ALDH2: variants seen among roughly 807,000 people sequenced by gnomAD.
ALDH2 encodes the protein aldehyde dehydrogenase, mitochondrial.
In ALDH2, 44 loss-of-function variants were observed where a neutral mutation model predicts 59.6. The observed-to-expected ratio is 0.74, with a 90% confidence interval of 0.58 to 0.95. The LOEUF (loss-of-function observed/expected upper bound fraction) is 0.95. Ranked by LOEUF, ALDH2 falls within the 40% of genes least tolerant of loss-of-function variation. The pLI is 0.00. For synonymous variants in ALDH2, 291 were observed against 284.0 expected (o/e 1.02, Z -0.25); for missense variants, 570 against 696.3 (o/e 0.82, Z 2.04).
chr12:111,797,663 G>A (rs1051995945), intron 9 of ALDH2, among the ~76,000 whole-genome samples: 13 of 151,900 alleles, frequency 8.6e-5, no homozygotes, highest in African/African-American at 3.1e-4. Flanking sequence ...ATTTCTCTTT[G>A]TGCATATGTA....
intron 12 of ALDH2, among the ~76,000 whole-genome samples, chr12:111,807,776 A>C (rs1355105776): frequency 2.0e-5 from 3 of 152,110 alleles, no homozygotes; most frequent in African/African-American, 7.2e-5. Context: ...GCCAGAATGC[A>C]CAGGCCCTTG....
intron 1 of ALDH2, among the ~76,000 whole-genome samples, chr12:111,777,504 T>C (rs1318735721): frequency 2.0e-5 from 3 of 152,138 alleles, no homozygotes; most frequent in Non-Finnish European, 4.4e-5. Flanking sequence ...TGCTTTGCTG[T>C]GAGGCAGTTG....
In ALDH2 at chr12:111,792,645, G is replaced by C; in HGVS notation, c.946G>C (p.Gly316Arg). The C allele has an allele frequency of 6.2e-7, 1 of 1,612,940 alleles. No homozygotes were observed. Among genetic ancestry groups the C allele is most frequent in the Non-Finnish European group, 8.5e-7 (1 of 1,179,734 alleles). Residue 316 changes from glycine (G) to arginine (R), a missense_variant, in exon 9 of 13, where the codon GGC (glycine) becomes CGC (arginine). Transcript: ENST00000261733. ...QAHFALFFNQGQCCCAGSRTF... is the reference protein window; with the variant it reads ...QAHFALFFNQRQCCCAGSRTF... ...CCACTTCGCCCTGTTCTTCAACCAG[G>C]GCCAGTGCTGCTGTGCCGGCTCCCG...
chr12:111,790,592 A>G (rs1157058624), intron 6 of ALDH2, 30 bp downstream of exon 6: 1 of 1,613,994 alleles, frequency 6.2e-7, no homozygotes, highest in Non-Finnish European at 8.5e-7. Flanking sequence ...CTTAACCTCT[A>G]AATGCCCTTG....
rs552607188 is a variant in ALDH2 at position 111,781,020 on chromosome 12, G to A, written c.115-898G>A. On this transcript the variant is annotated intron_variant, in intron 1 of 12. Coordinates refer to ENST00000261733, the MANE Select transcript of ALDH2 (RefSeq NM_000690.4). ...GCTACTCAGGAGGCTAAGGCAGGAG[G>A]ATCACTTGAGCTTAAGAGGAAGAGG... Among the ~76,000 whole-genome samples the A allele has an allele frequency of 2.6e-5, 4 of 152,070 alleles. No homozygotes were observed. In the East Asian group the frequency reaches 7.7e-4, roughly 29 times the overall value.
intron 4 of ALDH2, 122 bp from the exon 5 acceptor site, chr12:111,789,701 C>A: frequency 1.2e-6 from 1 of 845,004 alleles, no homozygotes; most frequent in Non-Finnish European, 1.9e-6. Context: ...CTGAATAAGC[C>A]AAAAGCAAAG....
In ALDH2 at chr12:111,792,596, A is replaced by G. The variant is rs758880637; in HGVS notation, c.899-2A>G. 2 of 1,610,280 alleles carry G rather than the reference A, an allele frequency of 1.2e-6. 1 individual carries two copies. The highest frequency in any genetic ancestry group is 2.2e-5 in the South Asian group (2 of 90,918). On this transcript the variant is annotated splice_acceptor_variant, in intron 8 of 12. Coordinates refer to ENST00000261733, the MANE Select transcript of ALDH2 (RefSeq NM_000690.4). LOFTEE classifies it high-confidence loss of function. Reference sequence around the variant, plus strand: ...TTTCTGTCTCCTGCCCACTTCCCGCAGTGGATTGGGCCGTGGAACAGGCCC... The same window carrying G: ...TTTCTGTCTCCTGCCCACTTCCCGCGGTGGATTGGGCCGTGGAACAGGCCC...
chr12:111,816,952 T>G lies in ALDH2; in HGVS notation c.*7377T>G, dbSNP rs2068573143. 1 of 152,204 alleles carries G rather than the reference T, an allele frequency of 6.6e-6. No homozygotes were observed. The allele number at this position is 152,204 out of a possible 1,614,324, so 9.4% of individuals were successfully genotyped here. On this transcript the variant is annotated 3_prime_UTR_variant, in exon 13 of 13. Coordinates refer to ENST00000261733, the MANE Select transcript of ALDH2 (RefSeq NM_000690.4). ...TTCACAAGGTCCCATGGATACTCAC[T>G]TTGGTTATATTCTAAGTTGGTTACA...
At position 111,785,278 on chromosome 12, in the gene ALDH2, C is replaced by T. The variant is rs1593075531; in HGVS notation, c.372C>T (p.Thr124=). 2.5e-6 allele frequency: 4 copies of T among 1,613,948 alleles called. No homozygotes were observed. Among genetic ancestry groups the T allele is most frequent in the East Asian group, 4.5e-5 (2 of 44,882 alleles). The part of the protein sequence containing the change: ...RDRTYLAALE[T]LDNGKPYVIS... The stretch of plus-strand genomic sequence containing the variant: ...TGTTTTCTTCTCAGGCCTTGGAGAC[C>T]CTGGACAATGGCAAGCCCTATGTCA... The change falls in exon 4 of 13, where the codon ACC becomes ACT. Residue 124 remains threonine, a synonymous_variant. Transcript: ENST00000261733.
At chr12:111,806,488 C>T (rs951008801) in intron 12 of ALDH2, among the ~76,000 whole-genome samples, 3 of 152,148 alleles carry the variant, frequency 2.0e-5, no homozygotes, top group African/African-American at 7.2e-5. Context: ...AGAGGAGGCT[C>T]AGGGCAAGCC....
chr12:111,798,269 A>G, intron 10 of ALDH2, 27 bp downstream of exon 10: 1 of 1,523,012 alleles, frequency 6.6e-7, no homozygotes, highest in Non-Finnish European at 8.8e-7. Flanking sequence ...AGTGCTCTGG[A>G]AACATTCTTG....
chr12:111,808,455 A>G (rs577637684), intron 12 of ALDH2, among the ~76,000 whole-genome samples: 16 of 152,302 alleles, frequency 1.1e-4, no homozygotes, highest in African/African-American at 3.8e-4. Flanking sequence ...CTGTAATCCC[A>G]GCACTTTGGG....
rs980476192 is a variant in ALDH2 at position 111,815,118 on chromosome 12, C to T, written c.*5543C>T. The T allele has an allele frequency of 6.6e-6, 1 of 152,186 alleles. No homozygotes were observed. The highest frequency in any genetic ancestry group is 1.5e-5 in the Non-Finnish European group (1 of 68,034). 9.4% of individuals were successfully genotyped at this position (152,186 alleles called of 1,614,324 possible). A position where few individuals can be genotyped will look rare whatever the true frequency, so the allele number is the denominator to read the frequency against. ...TTCAGTGAAATGTAAATCTGATGCCCAATCCTGTGGCCCCAAGAAGTATTA... is the reference window on the plus strand; with the variant it reads ...TTCAGTGAAATGTAAATCTGATGCCTAATCCTGTGGCCCCAAGAAGTATTA... On this transcript the variant is annotated 3_prime_UTR_variant, in exon 13 of 13. Coordinates refer to ENST00000261733, the MANE Select transcript of ALDH2 (RefSeq NM_000690.4).
chr12:111,802,859 G>A (rs553606146), intron 11 of ALDH2, among the ~76,000 whole-genome samples: 31 of 131,702 alleles, frequency 2.4e-4, no homozygotes, highest in South Asian at 1.5e-3. Context: ...CAGCCAGGGC[G>A]ACGGAGCGAG....
intron 1 of ALDH2, among the ~76,000 whole-genome samples, chr12:111,769,415 C>G (rs1407391376): frequency 6.6e-6 from 1 of 152,038 alleles, no homozygotes; most frequent in Non-Finnish European, 1.5e-5. Context: ...GAACCCATCT[C>G]TTAAAAAATA....
At chr12:111,772,106 A>T (rs1462692784) in intron 1 of ALDH2, among the ~76,000 whole-genome samples, 1 of 151,830 alleles carries the variant, frequency 6.6e-6, no homozygotes, top group African/African-American at 2.4e-5. Flanking sequence ...CTGAAAAAAA[A>T]CTCCCCAAAA....
At chr12:111,770,747 C>T (rs1001880499) in intron 1 of ALDH2, among the ~76,000 whole-genome samples, 2 of 152,058 alleles carry the variant, frequency 1.3e-5, no homozygotes, top group South Asian at 2.1e-4. Context: ...TGGGTTCAAG[C>T]GATTCTCCTG....
At chr12:111,805,644 G>A (rs964615684) in intron 12 of ALDH2, among the ~76,000 whole-genome samples, 14 of 152,074 alleles carry the variant, frequency 9.2e-5, no homozygotes, top group African/African-American at 2.9e-4. Context: ...TTTGTAAGTC[G>A]AAAAACTTGG....
chr12:111,790,509 G>T lies in ALDH2; in HGVS notation c.628G>T (p.Val210Leu). 6.2e-7 allele frequency: 1 copy of T among 1,614,172 alleles called. No homozygotes were observed. Among genetic ancestry groups the T allele is most frequent in the Non-Finnish European group, 8.5e-7 (1 of 1,180,040 alleles). The change falls in exon 6 of 13, where the codon GTA (valine) becomes TTA (leucine). Residue 210 changes from valine to leucine, a missense_variant. Transcript: ENST00000261733. ...AACTGGAAACGTGGTTGTGATGAAG[G>T]TAGCTGAGCAGACACCCCTCACCGC... is the stretch of plus-strand genomic sequence containing the variant. ...LATGNVVVMK[V>L]AEQTPLTALY...
Sources: allele counts gnomAD v4.1 joint callset (sites outside exome capture counted in the v4.1 genomes callset), GRCh38; gene constraint gnomAD v4.1.1; transcripts MANE v1.5; gene names NCBI Gene and HGNC (gene_info 2026-07-23, HGNC 2026-07-21).